Variants in SORBS2 observed in about 807,000 individuals in gnomAD.
The protein encoded by SORBS2 is sorbin and SH3 domain containing 2, also known as sorbin and SH3 domain-containing protein 2.
A neutral mutation model predicts 97.7 loss-of-function variants in SORBS2; 46 were observed. That is an observed-to-expected ratio of 0.47 (90% CI 0.37 to 0.60). The LOEUF is 0.60. SORBS2 is among the 20% of genes least tolerant of loss of function. The pLI, the probability that SORBS2 is intolerant of heterozygous loss-of-function variation, is 0.00. For missense variants in SORBS2, 1,316 were observed against 1,282.3 expected, an observed-to-expected ratio of 1.03 and a Z score of -0.40; for synonymous variants, 476 against 473.4, an observed-to-expected ratio of 1.01 and a Z score of -0.07.
chr4:185,736,250 T>A (rs1432819139), intron 2 of SORBS2, among the ~76,000 whole-genome samples: 1 of 152,264 alleles, frequency 6.6e-6, no homozygotes, highest in Non-Finnish European at 1.5e-5. Flanking sequence ...AAATGACCAA[T>A]CTTCATGAAG....
intron 1 of SORBS2, among the ~76,000 whole-genome samples, chr4:185,915,995 G>A (rs376541867): frequency 3.3e-5 from 5 of 152,164 alleles, no homozygotes; most frequent in East Asian, 3.9e-4. Context: ...GGTCATCAAC[G>A]ATCTGTATGA....
intron 2 of SORBS2, among the ~76,000 whole-genome samples, chr4:185,733,124 T>C (rs2098655731): frequency 6.6e-6 from 1 of 152,226 alleles, no homozygotes; most frequent in Non-Finnish European, 1.5e-5. Flanking sequence ...AGCCACCCAA[T>C]TGGTTGCACT....
At chr4:185,850,309 C>A (rs1281791009) in intron 1 of SORBS2, among the ~76,000 whole-genome samples, 2 of 152,178 alleles carry the variant, frequency 1.3e-5, no homozygotes, top group African/African-American at 4.8e-5. Context: ...GTTCTCAAGG[C>A]AGTCTTGCTG....
chr4:185,617,295 C>T (rs2096644410), intron 9 of SORBS2, among the ~76,000 whole-genome samples: 1 of 152,112 alleles, frequency 6.6e-6, no homozygotes, highest in South Asian at 2.1e-4. Flanking sequence ...AACAAAGCAT[C>T]TTATTTCTCT....
intron 1 of SORBS2, among the ~76,000 whole-genome samples, chr4:185,899,504 TC>T (rs2099246543): frequency 6.6e-6 from 1 of 152,116 alleles, no homozygotes. Flanking sequence ...TGATCATGGA[TC>T]CCTGCAGCCT....
intron 8 of SORBS2, 150 bp downstream of exon 20, chr4:185,619,913 T>A (rs749030751): frequency 4.4e-6 from 3 of 674,284 alleles, no homozygotes; most frequent in Non-Finnish European, 8.2e-6. Flanking sequence ...AGAGTTGCTA[T>A]GCTCAGGCCC....
rs543335864 is a variant in SORBS2, at chr4:185,781,366, C to T, written c.-337-6000G>A. 3.3e-5 allele frequency among the ~76,000 whole-genome samples: 5 copies of T among 152,364 alleles called. 1 individual carries two copies. The highest frequency in any genetic ancestry group is 4.1e-4 in the South Asian group (2 of 4,826). On this transcript the variant is annotated intron_variant, in intron 1 of 20. Coordinates refer to the SORBS2 transcript ENST00000284776. ...TTTGAAATTGAGCATATGCAACAGT[C>T]GCTAAATCTGCTATGAAAATTGTGA...
intron 1 of SORBS2, among the ~76,000 whole-genome samples, chr4:185,870,083 C>A (rs2099229541): frequency 6.6e-6 from 1 of 152,314 alleles, no homozygotes; most frequent in South Asian, 2.1e-4. Context: ...TAACAACTAA[C>A]CACTACAGTA....
chr4:185,892,890 G>C (rs1361653471), intron 1 of SORBS2, among the ~76,000 whole-genome samples: 1 of 152,104 alleles, frequency 6.6e-6, no homozygotes, highest in Non-Finnish European at 1.5e-5. Flanking sequence ...CCTTATGGCT[G>C]TACACTTAAA....
exon 15 of SORBS2, chr4:185,586,848 C>T (rs1296837509): frequency 6.6e-6 from 1 of 152,630 alleles, no homozygotes; most frequent in African/African-American, 2.4e-5. Flanking sequence ...AGCGATGCAA[C>T]TTTACAACAC....
intron 1 of SORBS2, among the ~76,000 whole-genome samples, chr4:185,815,294 A>C (rs1037733371): frequency 3.9e-5 from 6 of 152,028 alleles, no homozygotes; most frequent in African/African-American, 1.4e-4. Flanking sequence ...CTCTATTGAG[A>C]TTGTTGTCTT....
chr4:185,732,497 G>A (rs1243638399), intron 2 of SORBS2, among the ~76,000 whole-genome samples: 1 of 152,194 alleles, frequency 6.6e-6, no homozygotes, highest in Non-Finnish European at 1.5e-5. Context: ...AGTCCTCTGG[G>A]TTCTGGCTTT....
intron 2 of SORBS2, among the ~76,000 whole-genome samples, chr4:185,724,431 C>T (rs2098541167): frequency 6.6e-6 from 1 of 151,948 alleles, no homozygotes; most frequent in African/African-American, 2.4e-5. Context: ...GTGATATTTG[C>T]AGAATTAACC....
At chr4:185,794,595 C>T (rs987965259) in intron 1 of SORBS2, among the ~76,000 whole-genome samples, 4 of 152,246 alleles carry the variant, frequency 2.6e-5, no homozygotes, top group Middle Eastern at 3.4e-3. Context: ...AGTTCTCCCC[C>T]GCCACCCCTC....
rs533452939 is a variant in SORBS2 at position 185,838,405 on chromosome 4, C to T, written c.-337-63039G>A. 4.6e-5 allele frequency among the ~76,000 whole-genome samples: 7 copies of T among 152,364 alleles called. No individual in the cohort carries two copies. The East Asian group carries it at 1.4e-3, about 29-fold the overall frequency. On this transcript the variant is annotated intron_variant, in intron 1 of 20. Coordinates refer to the SORBS2 transcript ENST00000284776. ...CAGAACCCTGGAAATTCTCCACCCT[C>T]CTCAACTCACGGATGCGCTGGTTGC...
At chr4:185,929,134 G>A (rs984031504) in intron 1 of SORBS2, among the ~76,000 whole-genome samples, 23 of 152,132 alleles carry the variant, frequency 1.5e-4, no homozygotes, top group Non-Finnish European at 2.1e-4. Flanking sequence ...TTATAACAGT[G>A]GTTTTAAAAC....
chr4:185,796,890 A>G (rs10866284), intron 1 of SORBS2, among the ~76,000 whole-genome samples: 16,342 of 32,780 alleles, frequency 0.5, 3,042 homozygotes, highest in East Asian at 0.59. Flanking sequence ...GGTCACGGTG[A>G]GGCTGGGCAT....
intron 1 of SORBS2, among the ~76,000 whole-genome samples, chr4:185,869,826 A>C (rs1194318519): frequency 6.6e-6 from 1 of 152,210 alleles, no homozygotes; most frequent in African/African-American, 2.4e-5. Flanking sequence ...AGATTTAGCA[A>C]ATTCCCCAGC....
intron 1 of SORBS2, among the ~76,000 whole-genome samples, chr4:185,829,952 A>C (rs2153673365): frequency 6.6e-6 from 1 of 152,350 alleles, no homozygotes; most frequent in African/African-American, 2.4e-5. Context: ...AGGAGAAAGA[A>C]GAGTATGGGA....
Sources: gnomAD v4.1 joint callset for allele counts (sites outside exome capture counted in the v4.1 genomes callset) on GRCh38, gnomAD v4.1.1 for gene constraint, MANE v1.5 for transcripts, NCBI Gene and HGNC (gene_info 2026-07-23, HGNC 2026-07-21) for gene names.